The following STIM2 variants were observed in gnomAD, a reference collection of about 807,000 sequenced individuals.
STIM2 encodes the protein stromal interaction molecule 2.
Under a neutral mutation model 85.8 loss-of-function variants are expected in STIM2, and 31 were observed. That is an observed-to-expected ratio of 0.36 (90% CI 0.27 to 0.49). The LOEUF (loss-of-function observed/expected upper bound fraction) is 0.49. STIM2 is among the 20% of genes least tolerant of loss of function. STIM2 has a pLI of 0.98. For missense variants in STIM2, 841 were observed against 927.6 expected (o/e 0.91, Z 1.21); for synonymous variants, 356 against 331.1 (o/e 1.08, Z -0.82).
At chr4:26,917,010 A>G (rs1159842320) in intron 1 of STIM2, among the ~76,000 whole-genome samples, 1 of 152,164 alleles carries the variant, frequency 6.6e-6, no homozygotes, top group Admixed American at 6.5e-5. Context: ...AATTTAGTTA[A>G]TATATGAAGT....
chr4:26,898,579 G>T (rs1273492010), intron 1 of STIM2, among the ~76,000 whole-genome samples: 1 of 152,054 alleles, frequency 6.6e-6, no homozygotes, highest in Non-Finnish European at 1.5e-5. Flanking sequence ...GATTTATTCT[G>T]CATTTAGTAG....
intron 1 of STIM2, among the ~76,000 whole-genome samples, chr4:26,884,119 A>G (rs912949844): frequency 6.6e-6 from 1 of 152,212 alleles, no homozygotes; most frequent in Non-Finnish European, 1.5e-5. Flanking sequence ...ACCCAAATGC[A>G]AGTTGGGCTT....
chr4:26,920,064 C>T (rs937481040), intron 2 of STIM2, among the ~76,000 whole-genome samples: 2 of 152,134 alleles, frequency 1.3e-5, no homozygotes, highest in African/African-American at 2.4e-5. Context: ...GTTGCATTCT[C>T]TTGGGAGCTC....
At chr4:26,919,886 A>G (rs1002455593) in intron 2 of STIM2, among the ~76,000 whole-genome samples, 4 of 152,106 alleles carry the variant, frequency 2.6e-5, no homozygotes, top group Non-Finnish European at 4.4e-5. Flanking sequence ...TTTCTCAAAC[A>G]TGTATCCTAT....
At chr4:26,939,661 T>G (rs1221112937) in intron 2 of STIM2, among the ~76,000 whole-genome samples, 1 of 152,202 alleles carries the variant, frequency 6.6e-6, no homozygotes, top group East Asian at 1.9e-4. Flanking sequence ...TGGGGATGTT[T>G]GAAAATTTTT....
At chr4:26,877,830 T>C (rs899246023) in intron 1 of STIM2, among the ~76,000 whole-genome samples, 12 of 152,316 alleles carry the variant, frequency 7.9e-5, no homozygotes, top group African/African-American at 2.6e-4. Flanking sequence ...GTGAGAGTAC[T>C]GAGAAATGGG....
rs765439630 is a variant in STIM2 at position 26,880,723 on chromosome 4, C to T, written c.151+19354C>T. On this transcript the variant is annotated intron_variant, in intron 1 of 11. Transcript: ENST00000467087. ...TATATATATCTAATTTTCTTTTTCC[C>T]GAGGATAGACAGCCAAATTAGAATT... Among the ~76,000 whole-genome samples the T allele has an allele frequency of 1.8e-4, 25 of 136,488 alleles. 1 individual carries two copies. The highest frequency in any genetic ancestry group is 1.4e-3 in the Admixed American group (19 of 13,710). The allele number at this position is 136,488 out of a possible 152,430, so 89.5% of individuals were successfully genotyped here. A position where few individuals can be genotyped will look rare whatever the true frequency, so the allele number is the denominator to read the frequency against.
rs145752371 is a variant in STIM2, at chr4:27,016,407, G to GT, written c.1490-1303dup. On this transcript the variant is annotated intron_variant, in intron 10 of 11. Transcript: ENST00000467087. Reference sequence around the variant, plus strand: ...ATTATTCCACCCTGGAAAATACTGTGTGAGTGGTAAAGTGCCCCTCAAAAT... The same window carrying GT: ...ATTATTCCACCCTGGAAAATACTGTGTTGAGTGGTAAAGTGCCCCTCAAAAT... Among the ~76,000 whole-genome samples the GT allele has an allele frequency of 1.9e-4, 29 of 152,276 alleles. No individual in the cohort carries two copies. The East Asian group carries it at 3.1e-3, about 16-fold the overall frequency.
chr4:26,958,034 G>A (rs933795722), intron 3 of STIM2, among the ~76,000 whole-genome samples: 2 of 152,076 alleles, frequency 1.3e-5, no homozygotes, highest in African/African-American at 4.8e-5. Context: ...AAAAGGTTTA[G>A]CAAATAAACA....
At chr4:26,995,308 T>C (rs1233940382) in intron 3 of STIM2, 71 bp from the exon 4 acceptor site, 4 of 805,778 alleles carry the variant, frequency 5.0e-6, no homozygotes, top group Non-Finnish European at 7.7e-6. Context: ...TTATATTCTC[T>C]GAAATTATAG....
intron 2 of STIM2, among the ~76,000 whole-genome samples, chr4:26,947,093 G>T (rs1368496804): frequency 6.6e-6 from 1 of 152,120 alleles, no homozygotes; most frequent in Non-Finnish European, 1.5e-5. Context: ...GTAGGTCTCT[G>T]CGTTAGCTTT....
At chr4:26,996,966 T>C (rs1033735097) in intron 4 of STIM2, among the ~76,000 whole-genome samples, 1 of 152,126 alleles carries the variant, frequency 6.6e-6, no homozygotes, top group Non-Finnish European at 1.5e-5. Context: ...TCTGGTAAAA[T>C]TGTGACATCA....
rs569320994 is a variant in STIM2, at chr4:26,879,364, T to C, written c.151+17995T>C. 1.1e-3 allele frequency among the ~76,000 whole-genome samples: 165 copies of C among 152,242 alleles called. 1 individual carries two copies. Among genetic ancestry groups the C allele is most frequent in the African/African-American group, 3.5e-3 (144 of 41,536 alleles). ...TTTTTTACCTGCCTGTGGTGAAGAATGCATAGTTTTGTAGAAGGATTATGG... is the reference window on the plus strand; with the variant it reads ...TTTTTTACCTGCCTGTGGTGAAGAACGCATAGTTTTGTAGAAGGATTATGG... On this transcript the variant is annotated intron_variant, in intron 1 of 11. Coordinates refer to ENST00000467087, the MANE Select transcript of STIM2 (RefSeq NM_020860.4).
At chr4:26,882,746 C>T (rs947399728) in intron 1 of STIM2, among the ~76,000 whole-genome samples, 5 of 152,012 alleles carry the variant, frequency 3.3e-5, no homozygotes, top group Admixed American at 6.5e-5. Flanking sequence ...ACATGAGCCA[C>T]GGTACCTGGC....
At chr4:26,885,765 T>C (rs1298239734) in intron 1 of STIM2, among the ~76,000 whole-genome samples, 1 of 143,696 alleles carries the variant, frequency 7.0e-6, no homozygotes, top group Non-Finnish European at 1.5e-5. Flanking sequence ...AAACTGAAAA[T>C]ATAGCATTCA....
intron 2 of STIM2, among the ~76,000 whole-genome samples, chr4:26,951,165 G>A (rs1251894867): frequency 6.6e-6 from 1 of 152,058 alleles, no homozygotes; most frequent in Non-Finnish European, 1.5e-5. Context: ...ATATTGCAAT[G>A]AAAACTCTTG....
intron 2 of STIM2, among the ~76,000 whole-genome samples, chr4:26,936,536 C>G (rs777997216): frequency 7.2e-5 from 11 of 152,074 alleles, no homozygotes; most frequent in Non-Finnish European, 1.3e-4. Flanking sequence ...TAGTCATAGG[C>G]CATTTGAGAA....
chr4:27,020,515 G>A (rs768955240), intron 11 of STIM2, among the ~76,000 whole-genome samples: 3 of 152,196 alleles, frequency 2.0e-5, no homozygotes, highest in African/African-American at 2.4e-5. Flanking sequence ...CCATTAGGTC[G>A]TTATTTAGGG....
chr4:26,998,450 G>T (rs1456809041), intron 4 of STIM2, among the ~76,000 whole-genome samples: 7 of 152,016 alleles, frequency 4.6e-5, no homozygotes, highest in Admixed American at 1.3e-4. Flanking sequence ...ACATTAGAAT[G>T]TTAAAAGTAT....
Sources: allele counts gnomAD v4.1 joint callset (sites outside exome capture counted in the v4.1 genomes callset), GRCh38; gene constraint gnomAD v4.1.1; transcripts MANE v1.5; gene names NCBI Gene and HGNC (gene_info 2026-07-23, HGNC 2026-07-21).